The following TENM4 variants were observed in gnomAD, a reference collection of about 807,000 sequenced individuals.
The protein encoded by TENM4 is teneurin-4.
TENM4 carries 82 observed loss-of-function variants against 243.3 expected under a neutral mutation model. That is an observed-to-expected ratio of 0.34 (90% CI 0.28 to 0.40). TENM4 has a LOEUF of 0.40. Among genes scored for constraint, TENM4 ranks in the 10% least tolerant of loss-of-function variants. TENM4 has a pLI of 1.00. For missense variants in TENM4, 3,138 were observed against 3,673.3 expected (o/e 0.85, Z 3.77); for synonymous variants, 1,412 against 1,456.3 (o/e 0.97, Z 0.69).
At chr11:79,250,563 A>G (rs1855592795) in intron 2 of TENM4, among the ~76,000 whole-genome samples, 2 of 152,252 alleles carry the variant, frequency 1.3e-5, no homozygotes, top group South Asian at 2.1e-4. Flanking sequence ...AAATATTTCA[A>G]AAGTTCTGCT....
rs573233502 is a variant in TENM4 at position 78,804,787 on chromosome 11, C to T, written c.2179+505G>A. On this transcript the variant is annotated intron_variant, in intron 15 of 33. Coordinates refer to ENST00000278550, the MANE Select transcript of TENM4 (RefSeq NM_001098816.3). ...AGACATGTTTGCTACCCTCATGGAG[C>T]TTAGTGACTAACAGAGCATTTGGCT... 4.6e-5 allele frequency among the ~76,000 whole-genome samples: 7 copies of T among 152,270 alleles called. 1 individual carries two copies. The East Asian group carries it at 1.4e-3, about 29-fold the overall frequency.
intron 6 of TENM4, among the ~76,000 whole-genome samples, chr11:78,943,895 C>T (rs1591150927): frequency 6.6e-6 from 1 of 152,176 alleles, no homozygotes; most frequent in Admixed American, 6.5e-5. Flanking sequence ...TTGGGTATAG[C>T]CTTTTGGGAA....
At chr11:79,390,090 C>T (rs1858200495) in intron 1 of TENM4, among the ~76,000 whole-genome samples, 1 of 152,134 alleles carries the variant, frequency 6.6e-6, no homozygotes, top group Admixed American at 6.5e-5. Flanking sequence ...TTGGCTTGGG[C>T]AGGTGAGGCC....
At chr11:78,972,726 A>G (rs527944542) in intron 6 of TENM4, among the ~76,000 whole-genome samples, 29 of 152,324 alleles carry the variant, frequency 1.9e-4, no homozygotes, top group African/African-American at 6.5e-4. Context: ...GTTCAATCCA[A>G]TGGGTTTTAG....
chr11:79,232,043 G>C (rs554240643), intron 2 of TENM4, among the ~76,000 whole-genome samples: 4 of 152,144 alleles, frequency 2.6e-5, no homozygotes, highest in African/African-American at 9.7e-5. Context: ...TCATACCACT[G>C]CACTCCAGTC....
intron 6 of TENM4, among the ~76,000 whole-genome samples, chr11:78,940,920 A>G (rs1856878384): frequency 6.6e-6 from 1 of 152,158 alleles, no homozygotes; most frequent in South Asian, 2.1e-4. Context: ...CCCTCAAGCC[A>G]TTCTCTGTTA....
At chr11:79,291,447 T>TG (rs560018071) in intron 2 of TENM4, among the ~76,000 whole-genome samples, 8 of 152,010 alleles carry the variant, frequency 5.3e-5, no homozygotes, top group Non-Finnish European at 7.4e-5. Flanking sequence ...AGCATGGTCA[T>TG]GGGGGGGTGT....
intron 6 of TENM4, among the ~76,000 whole-genome samples, chr11:79,054,515 T>C (rs77685631): frequency 2.6e-5 from 4 of 152,018 alleles, no homozygotes; most frequent in African/African-American, 9.7e-5. Context: ...TTTTTTTTTT[T>C]TGAGACAGGG....
intron 18 of TENM4, among the ~76,000 whole-genome samples, chr11:78,768,333 T>G (rs1056027777): frequency 6.6e-6 from 1 of 152,206 alleles, no homozygotes; most frequent in Non-Finnish European, 1.5e-5. Context: ...TTTCCAACCA[T>G]GATGACCCAC....
At chr11:78,771,206 G>C in intron 17 of TENM4, 68 bp from the exon 18 acceptor site, 1 of 1,524,798 alleles carries the variant, frequency 6.6e-7, no homozygotes, top group Non-Finnish European at 8.9e-7. Flanking sequence ...ACACTAACAC[G>C]CTACCTGCCA....
At chr11:78,918,646 G>T (rs1329270690) in intron 6 of TENM4, among the ~76,000 whole-genome samples, 2 of 152,148 alleles carry the variant, frequency 1.3e-5, no homozygotes, top group African/African-American at 2.4e-5. Flanking sequence ...CAATGCAGAG[G>T]TGCGCTGACA....
At chr11:78,797,356 T>C (rs1857181907) in intron 15 of TENM4, among the ~76,000 whole-genome samples, 1 of 152,166 alleles carries the variant, frequency 6.6e-6, no homozygotes, top group African/African-American at 2.4e-5. Context: ...TTTTTTAAGA[T>C]TACAAGTTAT....
At chr11:79,159,074 T>C (rs1249097382) in intron 3 of TENM4, among the ~76,000 whole-genome samples, 1 of 152,174 alleles carries the variant, frequency 6.6e-6, no homozygotes, top group Non-Finnish European at 1.5e-5. Context: ...AATGAGCCCC[T>C]CTGTACTGTT....
intron 1 of TENM4, among the ~76,000 whole-genome samples, chr11:79,385,089 T>C (rs563454091): frequency 1.2e-3 from 175 of 152,096 alleles, no homozygotes; most frequent in African/African-American, 4.1e-3. Context: ...AAAGTGGCAT[T>C]GGAGAGAAAG....
chr11:79,174,664 G>C lies in TENM4; in HGVS notation c.-162-25858C>G, dbSNP rs139251890. On this transcript the variant is annotated intron_variant, in intron 3 of 33. Coordinates refer to ENST00000278550, the MANE Select transcript of TENM4 (RefSeq NM_001098816.3). ...TGTGAGGAGGTTGGGAGAAGAATGAGGTTAGGGTTTCTATTCTCCAGATGA... is the reference window on the plus strand; with the variant it reads ...TGTGAGGAGGTTGGGAGAAGAATGACGTTAGGGTTTCTATTCTCCAGATGA... Among the ~76,000 whole-genome samples the C allele has an allele frequency of 1.7e-4, 26 of 152,294 alleles. No individual in the cohort carries two copies. The East Asian group carries it at 5.0e-3, about 29-fold the overall frequency.
chr11:78,857,259 C>T (rs377673480), intron 10 of TENM4, among the ~76,000 whole-genome samples: 4 of 152,088 alleles, frequency 2.6e-5, no homozygotes, highest in South Asian at 4.1e-4. Flanking sequence ...TGGTTCCAAG[C>T]GGTTTTTTTG....
chr11:78,689,255 G>C lies in TENM4; in HGVS notation c.5088-1029C>G, dbSNP rs150118193. ...ATGAACATTTCTGTACCGTCCATTT[G>C]CAAGTATTCAACACATGCGCTCCTC... On this transcript the variant is annotated intron_variant, in intron 28 of 33. Transcript: ENST00000278550. Among the ~76,000 whole-genome samples, 305 of 152,304 alleles carry C rather than the reference G, an allele frequency of 2.0e-3. 1 individual carries two copies. Among genetic ancestry groups the C allele is most frequent in the African/African-American group, 7.0e-3 (289 of 41,554 alleles).
At chr11:78,873,552 G>A (rs1859191381) in intron 9 of TENM4, among the ~76,000 whole-genome samples, 1 of 152,148 alleles carries the variant, frequency 6.6e-6, no homozygotes, top group Admixed American at 6.5e-5. Context: ...GATGGAACCT[G>A]CCCCTAACCA....
chr11:79,115,992 A>AACTTGGCCTTT (rs1196957423), intron 4 of TENM4, among the ~76,000 whole-genome samples: 1 of 152,234 alleles, frequency 6.6e-6, no homozygotes, highest in Non-Finnish European at 1.5e-5. Context: ...TCAGGACAAT[A>AACTTGGCCTTT]ACTTGGCCCT....
Sources: gnomAD v4.1 joint callset for allele counts (sites outside exome capture counted in the v4.1 genomes callset) on GRCh38, gnomAD v4.1.1 for gene constraint, MANE v1.5 for transcripts, NCBI Gene and HGNC (gene_info 2026-07-23, HGNC 2026-07-21) for gene names.